Variants in SEC23A observed in about 807,000 individuals in gnomAD.
SEC23A encodes the protein SEC23 homolog A, COPII component, also known as protein transport protein Sec23A.
A neutral mutation model predicts 103.7 loss-of-function variants in SEC23A; 56 were observed. The observed-to-expected ratio is 0.54, with a 90% CI of 0.44 to 0.67. The LOEUF (loss-of-function observed/expected upper bound fraction) is 0.67. Among genes scored for constraint, SEC23A ranks in the 30% least tolerant of loss-of-function variants. The pLI, the probability that SEC23A is intolerant of heterozygous loss-of-function variation, is 0.00. For missense variants in SEC23A, 784 were observed against 936.4 expected (o/e 0.84, Z 2.12); for synonymous variants, 281 against 293.0 (o/e 0.96, Z 0.42).
intron 19 of SEC23A, among the ~76,000 whole-genome samples, chr14:39,035,578 A>G (rs1161460869): frequency 6.6e-6 from 1 of 152,168 alleles, no homozygotes; most frequent in Admixed American, 6.5e-5. Flanking sequence ...CACCCTTCCA[A>G]GATTACTTTT....
intron 2 of SEC23A, among the ~76,000 whole-genome samples, chr14:39,094,193 T>TATACATATATATATATGCATATATACAC (rs1555331019): frequency 0.011 from 1,567 of 138,372 alleles, 239 homozygotes; most frequent in African/African-American, 0.043. Context: ...AGCATATACA[T>TATACATATATATATATGCATATATACAC]ATACATATAT....
At chr14:39,039,158 AT>A (rs1218731598) in intron 18 of SEC23A, 62 bp from the exon 19 acceptor site, 14 of 1,290,940 alleles carry the variant, frequency 1.1e-5, no homozygotes, top group Non-Finnish European at 1.6e-5. Flanking sequence ...TATCAGCTGA[AT>A]AATTATATCA....
chr14:39,048,195 C>G (rs1885912272), intron 15 of SEC23A, among the ~76,000 whole-genome samples: 1 of 152,166 alleles, frequency 6.6e-6, no homozygotes, highest in Admixed American at 6.5e-5. Context: ...TTTTCACCAA[C>G]TACTCGTAGC....
At chr14:39,045,432 T>C in intron 15 of SEC23A, 108 bp from the exon 16 acceptor site, 1 of 751,082 alleles carries the variant, frequency 1.3e-6, no homozygotes, top group Non-Finnish European at 2.1e-6. Flanking sequence ...TAACAAAACA[T>C]GTTATTATAA....
chr14:39,039,376 T>C (rs1431270588), intron 18 of SEC23A: 1 of 345,196 alleles, frequency 2.9e-6, no homozygotes, highest in Non-Finnish European at 5.2e-6. Flanking sequence ...GCAACAATTA[T>C]GACAAGGTTG....
At chr14:39,053,204 G>C (rs1886127655) in intron 14 of SEC23A, among the ~76,000 whole-genome samples, 1 of 152,146 alleles carries the variant, frequency 6.6e-6, no homozygotes, top group Non-Finnish European at 1.5e-5. Context: ...ATAAGTCAAA[G>C]CACTGATGAC....
chr14:39,042,963 T>C, intron 16 of SEC23A, 91 bp from the exon 17 acceptor site: 1 of 838,962 alleles, frequency 1.2e-6, no homozygotes, highest in Non-Finnish European at 1.9e-6. Context: ...ATTTTCCAAG[T>C]TTCTTTTATT....
At chr14:39,088,585 T>G (rs1277190596) in intron 5 of SEC23A, 2 of 151,678 alleles carry the variant, frequency 1.3e-5, no homozygotes, top group Non-Finnish European at 2.9e-5. Flanking sequence ...ATACAAAAAT[T>G]AGTAAGGCAT....
intron 17 of SEC23A, among the ~76,000 whole-genome samples, chr14:39,041,903 C>T (rs1263931919): frequency 6.7e-6 from 1 of 150,298 alleles, no homozygotes; most frequent in Non-Finnish European, 1.5e-5. Flanking sequence ...GGTAGTACTA[C>T]TTCAAAGAAT....
chr14:39,100,338 A>G (rs989535569), intron 1 of SEC23A, among the ~76,000 whole-genome samples: 8 of 152,012 alleles, frequency 5.3e-5, no homozygotes, highest in African/African-American at 1.9e-4. Context: ...CACGAATTCA[A>G]TTACAAAATT....
intron 9 of SEC23A, among the ~76,000 whole-genome samples, chr14:39,072,316 C>G (rs1886867283): frequency 6.6e-6 from 1 of 151,318 alleles, no homozygotes; most frequent in African/African-American, 2.4e-5. Context: ...ATCCAAATAA[C>G]AAACTATTTT....
At position 39,033,073 on chromosome 14, in the gene SEC23A, C is replaced by A; in HGVS notation, c.*166G>T. The A allele has an allele frequency of 1.6e-6, 1 of 622,698 alleles. No homozygotes were observed. The allele number at this position is 622,698 out of a possible 1,614,324, so 38.6% of individuals were successfully genotyped here. A position where few individuals can be genotyped will look rare whatever the true frequency, so the allele number is the denominator to read the frequency against. On this transcript the variant is annotated 3_prime_UTR_variant, in exon 20 of 20. Transcript: ENST00000307712. ...GTTCTTATTGCTCTCATTATAATTCCAGCTTAATCTACAAATGTGAACATT... is the reference window on the plus strand; with the variant it reads ...GTTCTTATTGCTCTCATTATAATTCAAGCTTAATCTACAAATGTGAACATT...
intron 2 of SEC23A, among the ~76,000 whole-genome samples, chr14:39,095,203 G>C (rs1039871014): frequency 6.6e-6 from 1 of 152,132 alleles, no homozygotes; most frequent in Non-Finnish European, 1.5e-5. Context: ...TGGGGGGAGA[G>C]GGAATGGAAA....
chr14:39,038,964 T>TAAAAAAAAA (rs1566479000), intron 19 of SEC23A, 67 bp downstream of exon 19: 24 of 1,361,124 alleles, frequency 1.8e-5, no homozygotes. Context: ...AAAATGTAGC[T>TAAAAAAAAA]TTCACTAAAA....
At chr14:39,061,586 G>C (rs911480785) in intron 13 of SEC23A, among the ~76,000 whole-genome samples, 179 bp downstream of exon 13, 1 of 151,874 alleles carries the variant, frequency 6.6e-6, no homozygotes, top group African/African-American at 2.4e-5. Flanking sequence ...TTGCTCTTAC[G>C]GTTCTTAGTA....
chr14:39,044,709 AT>A (rs1356546516), intron 16 of SEC23A, among the ~76,000 whole-genome samples: 2 of 152,324 alleles, frequency 1.3e-5, no homozygotes, highest in East Asian at 3.9e-4. Flanking sequence ...ATAATCAACT[AT>A]TTTTTATGTT....
intron 15 of SEC23A, among the ~76,000 whole-genome samples, chr14:39,046,725 C>T (rs948443608): frequency 6.6e-6 from 1 of 152,146 alleles, no homozygotes; most frequent in South Asian, 2.1e-4. Context: ...CCTTCCCTTC[C>T]ACCTACTCCT....
In SEC23A at chr14:39,076,049, A is replaced by T; in HGVS notation, c.873T>A (p.Gly291=). 1 of 1,613,848 alleles carries T rather than the reference A, an allele frequency of 6.2e-7. No homozygotes were observed. The highest frequency in any genetic ancestry group is 1.3e-5 in the African/African-American group (1 of 75,042). ...NTGARIMMFI[G]GPATQGPGMV... The stretch of plus-strand genomic sequence containing the variant: ...TTCCAGGCCCCTGAGTAGCAGGACC[A>T]CCAATGAACATCATGATACGAGCAC... The change falls in exon 8 of 20, where the codon GGT becomes GGA. Residue 291 remains glycine (G), a synonymous_variant. Transcript: ENST00000307712.
intron 16 of SEC23A, 57 bp downstream of exon 16, chr14:39,045,106 T>G: frequency 6.6e-7 from 1 of 1,511,116 alleles, no homozygotes; most frequent in Non-Finnish European, 9.2e-7. Flanking sequence ...ATTTTCACTT[T>G]TTTAATGCCA....
Sources: allele counts gnomAD v4.1 joint callset (sites outside exome capture counted in the v4.1 genomes callset), GRCh38; gene constraint gnomAD v4.1.1; transcripts MANE v1.5; gene names NCBI Gene and HGNC (gene_info 2026-07-23, HGNC 2026-07-21).